Variants in PNPLA6 observed in about 807,000 individuals in gnomAD.
PNPLA6 encodes the protein patatin-like phospholipase domain-containing protein 6.
Under a neutral mutation model 153.7 loss-of-function variants are expected in PNPLA6, and 105 were observed. That is an observed-to-expected ratio of 0.68 (90% confidence interval 0.58 to 0.80). The LOEUF (loss-of-function observed/expected upper bound fraction) is 0.80. PNPLA6 is among the 30% of genes least tolerant of loss of function. The pLI is 0.00. For missense variants in PNPLA6, 1,423 were observed against 1,919.3 expected (o/e 0.74, Z 4.83); for synonymous variants, 825 against 822.2 (o/e 1.00, Z -0.06).
chr19:7,551,257 G>T lies in PNPLA6; in HGVS notation c.2185-105G>T, dbSNP rs975040842. The T allele has an allele frequency of 1.1e-5, 13 of 1,230,060 alleles. No homozygotes were observed. The South Asian group carries it at 1.4e-4, about 13-fold the overall frequency. 76.2% of individuals were successfully genotyped at this position (1,230,060 alleles called of 1,614,324 possible). A position where few individuals can be genotyped will look rare whatever the true frequency, so the allele number is the denominator to read the frequency against. On this transcript the variant is annotated intron_variant, in intron 17 of 31. Transcript: ENST00000600737. ...TGAGGGCGGGGGCTCTCGGGGGTGG[G>T]ACCCAGGTAACGGGCACCCAGGAGC... is the stretch of plus-strand genomic sequence containing the variant.
At chr19:7,544,403 T>C (rs1291277706) in intron 13 of PNPLA6, among the ~76,000 whole-genome samples, 1 of 152,184 alleles carries the variant, frequency 6.6e-6, no homozygotes. Flanking sequence ...TGAACCACTG[T>C]GCCCAGCCTA....
chr19:7,549,432 TGCCTC>T, intron 13 of PNPLA6, among the ~76,000 whole-genome samples: 1 of 151,686 alleles, frequency 6.6e-6, no homozygotes, highest in Admixed American at 6.6e-5. Context: ...TTGATCCGCC[TGCCTC>T]GGCCTCCCAA....
At chr19:7,550,887 C>T (rs1599295289) in intron 16 of PNPLA6, 107 bp from the exon 17 acceptor site, 1 of 950,172 alleles carries the variant, frequency 1.1e-6, no homozygotes, top group Non-Finnish European at 1.6e-6. Context: ...TCCCTACACC[C>T]CCATTGCAGG....
In PNPLA6 at chr19:7,540,738, G is replaced by C; in HGVS notation, c.795+28G>C. 2.5e-6 allele frequency: 4 copies of C among 1,587,276 alleles called. No individual in the cohort carries two copies. Among genetic ancestry groups the C allele is most frequent in the Non-Finnish European group, 3.5e-6 (4 of 1,155,504 alleles). Reference sequence around the variant, plus strand: ...GAGTGACCAGTTTCTGAGGCAGGGGGGCTGGGGTGCAAGGTCCCACCCAAG... The same window carrying C: ...GAGTGACCAGTTTCTGAGGCAGGGGCGCTGGGGTGCAAGGTCCCACCCAAG... On this transcript the variant is annotated intron_variant, in intron 6 of 31. Coordinates refer to ENST00000600737, the MANE Select transcript of PNPLA6 (RefSeq NM_001166114.2). This position sits in a 1 kb window ranked among gnomAD's most constrained non-coding sequence, Gnocchi z 6.8.
chr19:7,541,954 G>A lies in PNPLA6; in HGVS notation c.1169-30G>A, dbSNP rs1227999455. The A allele has an allele frequency of 1.9e-6, 3 of 1,574,856 alleles. No homozygotes were observed. The highest frequency in any genetic ancestry group is 2.6e-6 in the Non-Finnish European group (3 of 1,150,604). On this transcript the variant is annotated intron_variant, in intron 9 of 31. Transcript: ENST00000600737. The surrounding 1 kb of genome is among the most constrained non-coding windows in gnomAD (Gnocchi z 5.2). ...GCTAATCCTCCTAGTGGCTCTGAGGGGCAGGAGCCTGAACATGTGTCTCCC... is the reference window on the plus strand; with the variant it reads ...GCTAATCCTCCTAGTGGCTCTGAGGAGCAGGAGCCTGAACATGTGTCTCCC...
chr19:7,536,583 T>C, intron 3 of PNPLA6, 37 bp downstream of exon 3: 1 of 1,348,864 alleles, frequency 7.4e-7, no homozygotes, highest in African/African-American at 1.4e-5. Flanking sequence ...TATTAGGGGT[T>C]ATCTCAGGGG....
At chr19:7,543,957 G>C (rs1041778325) in intron 13 of PNPLA6, among the ~76,000 whole-genome samples, 1 of 151,522 alleles carries the variant, frequency 6.6e-6, no homozygotes, top group Non-Finnish European at 1.5e-5. Context: ...GGGACTACAG[G>C]CGCCTGCCAC....
In PNPLA6 at chr19:7,561,226, T is replaced by C; in HGVS notation, c.3932T>C (p.Leu1311Pro). 1 of 1,610,152 alleles carries C rather than the reference T, an allele frequency of 6.2e-7. No homozygotes were observed. Among genetic ancestry groups the C allele is most frequent in the Non-Finnish European group, 8.5e-7 (1 of 1,178,780 alleles). The change falls in exon 31 of 32, where the codon CTG (leucine) becomes CCG (proline). Residue 1311 changes from leucine to proline, a missense_variant. Around this residue, in one of 10 missense-constraint regions of PNPLA6, gnomAD observed 643 missense variants for 835.2 expected, o/e 0.77. Transcript: ENST00000600737. ...ATTCCAGGAGAGGAGTCAGATTGTC[T>C]GACAGAGTATGAGGAGGACGCCGGA... Reference protein sequence around the residue: ...GCADGEESDCLTEYEEDAGPD... With the variant: ...GCADGEESDCPTEYEEDAGPD...
At chr19:7,551,727 G>A (rs1362563257) in intron 18 of PNPLA6, among the ~76,000 whole-genome samples, 1 of 152,128 alleles carries the variant, frequency 6.6e-6, no homozygotes, top group Non-Finnish European at 1.5e-5. Flanking sequence ...CGGTGGACTT[G>A]GCGTAGTCTG....
chr19:7,542,820 G>T lies in PNPLA6; in HGVS notation c.1422G>T (p.Glu474Asp). 6.2e-7 allele frequency: 1 copy of T among 1,613,116 alleles called. No individual in the cohort carries two copies. Among genetic ancestry groups the T allele is most frequent in the South Asian group, 1.1e-5 (1 of 91,086 alleles). The change falls in exon 12 of 32, where the codon GAG becomes GAT. Residue 474 changes from glutamate (E) to aspartate (D), a missense_variant. Coordinates refer to ENST00000600737, the MANE Select transcript of PNPLA6 (RefSeq NM_001166114.2). The part of the protein sequence containing the change: ...PAGACEYSYC[E>D]DESATGGCPF... ...GCGCCTGTGAATACAGCTACTGTGA[G>T]GATGAGTCGGCCACTGGTGGCTGCC...
chr19:7,553,742 A>G, intron 18 of PNPLA6, 133 bp from the exon 19 acceptor site: 1 of 1,160,386 alleles, frequency 8.6e-7, no homozygotes, highest in Non-Finnish European at 1.3e-6. Context: ...ACTTTGGGCA[A>G]CTGGGGGCTG....
intron 18 of PNPLA6, among the ~76,000 whole-genome samples, chr19:7,551,886 G>T (rs879819989): frequency 6.6e-6 from 1 of 151,880 alleles, no homozygotes; most frequent in Non-Finnish European, 1.5e-5. Context: ...GATCGCTTGA[G>T]CCCAGGAGAT....
intron 10 of PNPLA6, among the ~76,000 whole-genome samples, 176 bp downstream of exon 10, chr19:7,542,243 A>C (rs536314346): frequency 1.3e-5 from 2 of 152,326 alleles, no homozygotes; most frequent in African/African-American, 4.8e-5. Context: ...GTTAAGAGGG[A>C]TTCAGAGGGA....
intron 20 of PNPLA6, 120 bp from the exon 21 acceptor site, chr19:7,554,435 G>A: frequency 4.6e-6 from 6 of 1,305,828 alleles, no homozygotes; most frequent in South Asian, 1.2e-5. Context: ...ACCGGAGCAC[G>A]GACTTCCGTG....
rs186340734 is a variant in PNPLA6, at chr19:7,551,297, G to A, written c.2185-65G>A. The A allele has an allele frequency of 3.2e-3, 4,771 of 1,498,390 alleles. 11 individuals carry two copies. Among genetic ancestry groups the A allele is most frequent in the Non-Finnish European group, 4.1e-3 (4,412 of 1,075,610 alleles). The allele number at this position is 1,498,390 out of a possible 1,614,324, so 92.8% of individuals were successfully genotyped here. A position where few individuals can be genotyped will look rare whatever the true frequency, so the allele number is the denominator to read the frequency against. ...CACCCAGGAGCCCCGGCATAGGAGG[G>A]AGAGGTGGGACCTGGACAGCCGCTT... On this transcript the variant is annotated intron_variant, in intron 17 of 31. Coordinates refer to ENST00000600737, the MANE Select transcript of PNPLA6 (RefSeq NM_001166114.2).
chr19:7,554,091 CAT>C (rs1179294429), intron 19 of PNPLA6, 76 bp downstream of exon 19: 1 of 1,554,564 alleles, frequency 6.4e-7, no homozygotes, highest in African/African-American at 1.4e-5. Flanking sequence ...TAGGGTAGGT[CAT>C]TTGGGGGGTG....
In PNPLA6 at chr19:7,554,699, G is replaced by A. The variant is rs778695180; in HGVS notation, c.2610G>A (p.Gly870=). The change falls in exon 21 of 32, where the codon GGG becomes GGA. Residue 870 remains glycine (G), a synonymous_variant. Coordinates refer to ENST00000600737, the MANE Select transcript of PNPLA6 (RefSeq NM_001166114.2). ...QADCILIVGL[G]DQEPTLGQLE... ...ACTGCATCCTCATTGTGGGCCTGGGGGACCAGGAGCCTACCCTCGGCCAGG... is the reference window on the plus strand; with the variant it reads ...ACTGCATCCTCATTGTGGGCCTGGGAGACCAGGAGCCTACCCTCGGCCAGG... The A allele has an allele frequency of 6.2e-7, 1 of 1,613,536 alleles. No individual in the cohort carries two copies. Among genetic ancestry groups the A allele is most frequent in the Non-Finnish European group, 8.5e-7 (1 of 1,179,958 alleles).
At chr19:7,543,746 T>C (rs1342045572) in intron 13 of PNPLA6, among the ~76,000 whole-genome samples, 1 of 151,908 alleles carries the variant, frequency 6.6e-6, no homozygotes, top group Non-Finnish European at 1.5e-5. Flanking sequence ...TGCTTCCTCA[T>C]CAGTGGAATG....
chr19:7,556,773 T>A, intron 26 of PNPLA6, 49 bp downstream of exon 26: 1 of 1,342,912 alleles, frequency 7.4e-7, no homozygotes. Context: ...CACGTGGGGT[T>A]GGGGGGATGC....
Sources: allele counts gnomAD v4.1 joint callset (sites outside exome capture counted in the v4.1 genomes callset), GRCh38; gene constraint gnomAD v4.1.1; regional missense constraint gnomAD v4.1.1; non-coding constraint Gnocchi (gnomAD v3.1); transcripts MANE v1.5; gene names NCBI Gene and HGNC (gene_info 2026-07-23, HGNC 2026-07-21).